The following DCDC2 variants were observed in gnomAD, a reference collection of about 807,000 sequenced individuals.
DCDC2 encodes the protein doublecortin domain containing 2.
DCDC2 carries 40 observed loss-of-function variants against 50.2 expected under a neutral mutation model. The ratio of observed to expected loss-of-function variants is 0.80; its 90% CI spans 0.62 to 1.04. The LOEUF is 1.04. Among genes scored for constraint, DCDC2 ranks in the 50% least tolerant of loss-of-function variants. The pLI, the probability that DCDC2 is intolerant of heterozygous loss-of-function variation, is 0.00. For missense variants in DCDC2, 570 were observed against 581.9 expected (o/e 0.98, Z 0.21); for synonymous variants, 234 against 210.6 (o/e 1.11, Z -0.96).
intron 2 of DCDC2, among the ~76,000 whole-genome samples, chr6:24,343,223 G>GT (rs1324830772): frequency 2.0e-5 from 3 of 151,396 alleles, no homozygotes; most frequent in Admixed American, 6.6e-5. Context: ...AATTTTTTGT[G>GT]TTTTTTTTAG....
At chr6:24,349,487 G>A (rs1187501347) in intron 2 of DCDC2, among the ~76,000 whole-genome samples, 7 of 152,182 alleles carry the variant, frequency 4.6e-5, no homozygotes, top group Non-Finnish European at 1.0e-4. Context: ...GTAAGTGCTG[G>A]TAAAGGCATC....
the DCDC2 span, among the ~76,000 whole-genome samples, chr6:24,367,133 G>C: frequency 6.6e-5 from 10 of 152,192 alleles, no homozygotes; most frequent in Non-Finnish European, 1.3e-4. Flanking sequence ...ACCATGCCTG[G>C]CTAAATGTCT....
At chr6:24,290,398 T>C (rs954492634) in intron 5 of DCDC2, among the ~76,000 whole-genome samples, 2 of 152,182 alleles carry the variant, frequency 1.3e-5, no homozygotes, top group Non-Finnish European at 2.9e-5. Context: ...CGGTATATTG[T>C]AATTAAAAAT....
chr6:24,220,870 A>ATAGAGAC (rs1554146303), intron 7 of DCDC2, among the ~76,000 whole-genome samples: 1 of 127,116 alleles, frequency 7.9e-6, no homozygotes. Flanking sequence ...GACAGAGAGC[A>ATAGAGAC]AGAGAGCGAG....
Position 24,178,358 on chromosome 6 carries a change from G to C in DCDC2, c.1298C>G (p.Ser433Cys). 6.2e-7 allele frequency: 1 copy of C among 1,613,892 alleles called. No homozygotes were observed. Among genetic ancestry groups the C allele is most frequent in the Non-Finnish European group, 8.5e-7 (1 of 1,179,844 alleles). ...ATCTTGTCCACTGCCAGCTCCTTGA[G>C]ACTTTCTTTCCTTGTCTAGGACCAG... ...LQLVLDKERK[S>C]QGAGSGQDEA... Residue 433 changes from serine to cysteine, a missense_variant, in exon 9 of 10, where the codon TCT becomes TGT. Ser to Cys is a moderately radical substitution (Grantham distance 112). Coordinates refer to ENST00000378454, the MANE Select transcript of DCDC2 (RefSeq NM_016356.5).
chr6:24,365,533 C>G, the DCDC2 span: 2 of 152,196 alleles, frequency 1.3e-5, no homozygotes, highest in Non-Finnish European at 2.9e-5. Context: ...CTCAGGTGAT[C>G]CACCTGCCTC....
the DCDC2 span, among the ~76,000 whole-genome samples, chr6:24,370,618 G>A: frequency 1.3e-5 from 2 of 152,198 alleles, no homozygotes; most frequent in African/African-American, 4.8e-5. Context: ...GCTGAGGCAA[G>A]AGGATTGCTC....
chr6:24,269,013 A>G (rs1763183666), intron 7 of DCDC2, among the ~76,000 whole-genome samples: 2 of 152,248 alleles, frequency 1.3e-5, no homozygotes, highest in Non-Finnish European at 2.9e-5. Flanking sequence ...CAGATATTTT[A>G]TCTTTATCTC....
chr6:24,315,627 C>A (rs1167646480), intron 2 of DCDC2, among the ~76,000 whole-genome samples: 1 of 151,858 alleles, frequency 6.6e-6, no homozygotes, highest in Non-Finnish European at 1.5e-5. Context: ...TAGTGATACA[C>A]AAAAAAATAA....
chr6:24,178,616 A>G lies in DCDC2; in HGVS notation c.1040T>C (p.Val347Ala). The change falls in exon 9 of 10, where the codon GTA becomes GCA. Residue 347 changes from valine (V) to alanine (A), a missense_variant. Transcript: ENST00000378454. Reference sequence around the variant, plus strand: ...CTTCTCTCCATCTTCTTCCTCGTCTACTATTTCTGCTGGCCTCTGATGGAT... The same window carrying G: ...CTTCTCTCCATCTTCTTCCTCGTCTGCTATTTCTGCTGGCCTCTGATGGAT... ...VPVDQRPAEI[V>A]DEEEDGEKAN... 6 of 1,612,986 alleles carry G rather than the reference A, an allele frequency of 3.7e-6. No individual in the cohort carries two copies. The highest frequency in any genetic ancestry group is 4.2e-6 in the Non-Finnish European group (5 of 1,179,728).
upstream of DCDC2, among the ~76,000 whole-genome samples, chr6:24,358,936 T>TATATATTTTATATA (rs1561788593): frequency 0.019 from 329 of 16,952 alleles, 5 homozygotes; most frequent in African/African-American, 0.068. Flanking sequence ...TATTATATAT[T>TATATATTTTATATA]TTATATATTA....
At chr6:24,231,761 C>A (rs1476287761) in intron 7 of DCDC2, among the ~76,000 whole-genome samples, 12 of 151,608 alleles carry the variant, frequency 7.9e-5, no homozygotes, top group Non-Finnish European at 1.5e-4. Context: ...GGATGCTGTG[C>A]AGAGACACGA....
At chr6:24,359,853 G>A (rs779944066), upstream of DCDC2, among the ~76,000 whole-genome samples, 59 of 152,284 alleles carry the variant, frequency 3.9e-4, 1 homozygote, top group Non-Finnish European at 5.9e-4. Context: ...GATCAGCGCC[G>A]CCTGGCGGCG....
At chr6:24,192,435 A>G (rs1471963043) in intron 8 of DCDC2, among the ~76,000 whole-genome samples, 1 of 151,868 alleles carries the variant, frequency 6.6e-6, no homozygotes, top group East Asian at 1.9e-4. Flanking sequence ...AAATCTAACC[A>G]GACAGCCAAG....
At chr6:24,220,891 T>TGAGCGAGCGAGCGAGAGAGA (rs1762095361) in intron 7 of DCDC2, among the ~76,000 whole-genome samples, 1 of 99,046 alleles carries the variant, frequency 1.0e-5, no homozygotes, top group African/African-American at 3.9e-5. Context: ...AGCGAGAGAG[T>TGAGCGAGCGAGCGAGAGAGA]GAGCGAGCGA....
rs766820077 is a variant in DCDC2, at chr6:24,301,837, T to G, written c.435A>C (p.Ala145=). 1 of 1,614,182 alleles carries G rather than the reference T, an allele frequency of 6.2e-7. No homozygotes were observed. Among genetic ancestry groups the G allele is most frequent in the Non-Finnish European group, 8.5e-7 (1 of 1,180,032 alleles). The change falls in exon 4 of 10, where the codon GCA becomes GCC. Residue 145 remains alanine, a synonymous_variant. Transcript: ENST00000378454. ...AAGCTGGGTTTATGAGGTCTCCATTTGCAATCAAGCTGGAAAACAGGGGGC... is the reference window on the plus strand; with the variant it reads ...AAGCTGGGTTTATGAGGTCTCCATTGGCAATCAAGCTGGAAAACAGGGGGC... The part of the protein sequence containing the change: ...LQEPCTIFLI[A]NGDLINPASR...
intron 2 of DCDC2, among the ~76,000 whole-genome samples, chr6:24,339,175 C>T (rs1320545696): frequency 6.6e-6 from 1 of 151,966 alleles, no homozygotes; most frequent in African/African-American, 2.4e-5. Context: ...GCTCTTCCTC[C>T]TTCTGCTTGC....
chr6:24,353,389 CTT>C, intron 2 of DCDC2, 178 bp downstream of exon 2: 3 of 647,696 alleles, frequency 4.6e-6, no homozygotes, highest in Admixed American at 2.4e-5. Flanking sequence ...TCTACTCAGT[CTT>C]TTCATTTCTG....
chr6:24,376,550 A>G, the DCDC2 span, among the ~76,000 whole-genome samples: 3 of 152,224 alleles, frequency 2.0e-5, no homozygotes, highest in African/African-American at 7.2e-5. Context: ...CAGACTTAAG[A>G]GCTCCTTCCC....
Sources: allele counts gnomAD v4.1 joint callset (sites outside exome capture counted in the v4.1 genomes callset), GRCh38; gene constraint gnomAD v4.1.1; transcripts MANE v1.5; gene names NCBI Gene and HGNC (gene_info 2026-07-23, HGNC 2026-07-21).